The following CHD7 variants were observed in gnomAD, a reference collection of about 807,000 sequenced individuals.
CHD7 encodes the protein ATP-dependent chromatin remodeler CHD7.
A neutral mutation model predicts 307.3 loss-of-function variants in CHD7; 24 were observed. The observed-to-expected ratio is 0.08, with a 90% CI of 0.06 to 0.11. The LOEUF is 0.11. Among genes scored for constraint, CHD7 ranks in the 10% least tolerant of loss-of-function variants. The pLI, the probability that CHD7 is intolerant of heterozygous loss-of-function variation, is 1.00. For synonymous variants in CHD7, 1,363 were observed against 1,349.9 expected, an observed-to-expected ratio of 1.01 and a Z score of -0.21; for missense variants, 3,106 against 3,727.1, an observed-to-expected ratio of 0.83 and a Z score of 4.34.
At chr8:60,838,402 T>A (rs1218197760) in intron 19 of CHD7, 147 bp downstream of exon 19, 5 of 732,276 alleles carry the variant, frequency 6.8e-6, no homozygotes, top group Non-Finnish European at 1.1e-5. Flanking sequence ...CACATGAAGC[T>A]TTCTTTATGC....
chr8:60,782,805 G>A (rs899230578), intron 3 of CHD7, among the ~76,000 whole-genome samples: 2 of 152,148 alleles, frequency 1.3e-5, no homozygotes, highest in African/African-American at 4.8e-5. Context: ...GGGATGTAAG[G>A]ATGAGGAAGA....
intron 1 of CHD7, among the ~76,000 whole-genome samples, chr8:60,685,454 T>C (rs556050315): frequency 6.6e-6 from 1 of 152,322 alleles, no homozygotes; most frequent in African/African-American, 2.4e-5. Context: ...GTATGTCCCC[T>C]TACGGAGGCT....
chr8:60,753,890 G>C (rs1809763620), intron 2 of CHD7, among the ~76,000 whole-genome samples: 1 of 152,030 alleles, frequency 6.6e-6, no homozygotes, highest in Non-Finnish European at 1.5e-5. Context: ...CTCCCAAAGT[G>C]CTGGGTTTAC....
At chr8:60,803,138 A>G (rs557909638) in intron 6 of CHD7, among the ~76,000 whole-genome samples, 1 of 152,316 alleles carries the variant, frequency 6.6e-6, no homozygotes, top group Non-Finnish European at 1.5e-5. Flanking sequence ...CTGCTAATTT[A>G]TGAATTGTAG....
chr8:60,741,340 AG>A lies in CHD7; in HGVS notation c.-91del. ...GGAATGACATGAAGAAGATTAGTTAAGGATTATAGGCTTTGAGGGCAAACAC... is the reference window on the plus strand; with the variant it reads ...GGAATGACATGAAGAAGATTAGTTAAGATTATAGGCTTTGAGGGCAAACAC... On this transcript the variant is annotated 5_prime_UTR_variant, in exon 2 of 38. Coordinates refer to ENST00000423902, the MANE Select transcript of CHD7 (RefSeq NM_017780.4). The A allele has an allele frequency of 5.9e-6, 5 of 853,656 alleles. No homozygotes were observed. In the South Asian group the frequency reaches 9.0e-5, roughly 15 times the overall value. The allele number at this position is 853,656 out of a possible 1,614,324, so 52.9% of individuals were successfully genotyped here. A position where few individuals can be genotyped will look rare whatever the true frequency, so the allele number is the denominator to read the frequency against.
At chr8:60,821,656 A>C (rs920488979) in intron 9 of CHD7, 134 bp from the exon 10 acceptor site, 10 of 631,302 alleles carry the variant, frequency 1.6e-5, no homozygotes. Context: ...ATATATACAC[A>C]TACATATATA....
intron 1 of CHD7, among the ~76,000 whole-genome samples, chr8:60,681,819 C>G (rs186953655): frequency 1.1e-3 from 174 of 152,130 alleles, no homozygotes; most frequent in African/African-American, 4.1e-3. Context: ...GTTCGAGTCA[C>G]TAAATTGAAC....
intron 2 of CHD7, among the ~76,000 whole-genome samples, chr8:60,767,363 G>T (rs1203848774): frequency 6.6e-6 from 1 of 151,796 alleles, no homozygotes; most frequent in Non-Finnish European, 1.5e-5. Flanking sequence ...AGGAAGGAAG[G>T]TCAGGTAGGA....
rs921401999 is a variant in CHD7, at chr8:60,729,220, G to A, written c.-174-12039G>A. ...GGCTGAGGAAATTTGGCATTTGAAT[G>A]TGTAGAGCTCCAGACAGGTGCCCAG... On this transcript the variant is annotated intron_variant, in intron 1 of 37. Transcript: ENST00000423902. Among the ~76,000 whole-genome samples, 5 of 152,364 alleles carry A rather than the reference G, an allele frequency of 3.3e-5. No individual in the cohort carries two copies. The Middle Eastern group carries it at 0.01, about 311-fold the overall frequency.
At chr8:60,720,465 A>G (rs1807843244) in intron 1 of CHD7, among the ~76,000 whole-genome samples, 1 of 152,138 alleles carries the variant, frequency 6.6e-6, no homozygotes, top group African/African-American at 2.4e-5. Flanking sequence ...TCTTTTGCCA[A>G]TTTGATAGGT....
intron 25 of CHD7, among the ~76,000 whole-genome samples, 172 bp from the exon 26 acceptor site, chr8:60,850,321 A>G (rs1805395700): frequency 6.6e-6 from 1 of 152,212 alleles, no homozygotes; most frequent in African/African-American, 2.4e-5. Flanking sequence ...TAGCTTCCCT[A>G]GAAGGAGCGT....
chr8:60,721,192 G>A (rs922359837), intron 1 of CHD7, among the ~76,000 whole-genome samples: 1 of 152,198 alleles, frequency 6.6e-6, no homozygotes, highest in African/African-American at 2.4e-5. Context: ...TGTATTTGGA[G>A]ATAGGGCCTT....
Position 60,850,496 on chromosome 8 carries a change from A to T in CHD7, c.5408A>T (p.Tyr1803Phe). ...SLLIGVFKHGYEKYNSMRADP... is the reference protein window; with the variant it reads ...SLLIGVFKHGFEKYNSMRADP... The stretch of plus-strand genomic sequence containing the variant: ...TGCACGGATGGGCACGGCACAGGCT[A>T]TGAGAAGTACAACTCCATGCGAGCT... Residue 1803 changes from tyrosine to phenylalanine, a missense_variant, in exon 26 of 38, where the codon TAT (tyrosine) becomes TTT (phenylalanine). Around this residue, in one of 10 missense-constraint regions of CHD7, gnomAD observed 1,030 missense variants for 1,165.4 expected, o/e 0.88. Coordinates refer to ENST00000423902, the MANE Select transcript of CHD7 (RefSeq NM_017780.4). 1.9e-6 allele frequency: 3 copies of T among 1,611,078 alleles called. No homozygotes were observed. The highest frequency in any genetic ancestry group is 2.5e-6 in the Non-Finnish European group (3 of 1,177,480).
rs76998478 is a variant in CHD7, at chr8:60,766,835, T to C, written c.1666-14165T>C. Among the ~76,000 whole-genome samples, 815 of 152,262 alleles carry C rather than the reference T, an allele frequency of 5.4e-3. 6 individuals carry two copies. The highest frequency in any genetic ancestry group is 0.019 in the African/African-American group (788 of 41,526). ...GACTATACAGCTGAATAGAGAAGTC[T>C]AGAGTTGAAGGAAGTGGTGTGGACT... On this transcript the variant is annotated intron_variant, in intron 2 of 37. Coordinates refer to ENST00000423902, the MANE Select transcript of CHD7 (RefSeq NM_017780.4).
At chr8:60,831,936 A>T (rs752436169) in intron 15 of CHD7, among the ~76,000 whole-genome samples, 1 of 151,922 alleles carries the variant, frequency 6.6e-6, no homozygotes, top group Non-Finnish European at 1.5e-5. Flanking sequence ...AGAGTAGTCC[A>T]CTCCTGGAAG....
intron 1 of CHD7, among the ~76,000 whole-genome samples, chr8:60,683,225 T>TAA (rs1805720009): frequency 6.6e-6 from 1 of 152,200 alleles, no homozygotes; most frequent in Non-Finnish European, 1.5e-5. Flanking sequence ...ATTTAGTCTT[T>TAA]AAAAAAATTG....
chr8:60,844,689 G>A (rs1209508834), intron 21 of CHD7, among the ~76,000 whole-genome samples, 175 bp from the exon 22 acceptor site: 3 of 152,206 alleles, frequency 2.0e-5, no homozygotes, highest in Non-Finnish European at 2.9e-5. Flanking sequence ...CTGAGGGGCA[G>A]CTTACTGTAT....
rs529369619 is a variant in CHD7 at position 60,845,062 on chromosome 8, C to T, written c.5049C>T (p.Ser1683=). Residue 1683 remains serine (S), a splice_region_variant and synonymous_variant, in exon 22 of 38, where the codon TCC becomes TCT. Transcript: ENST00000423902. ...AGACTCGAGCCTTGGTCAACCATTC[C>T]GGTAGGTCTCCACCATGCTGTTTGT... The part of the protein sequence containing the change: ...DGQTRALVNH[S]GLSAPVPRGR... 53 of 1,613,676 alleles carry T rather than the reference C, an allele frequency of 3.3e-5. No homozygotes were observed. Among genetic ancestry groups the T allele is most frequent in the African/African-American group, 1.7e-4 (13 of 75,014 alleles).
In CHD7 at chr8:60,801,516, C is replaced by CTT; in HGVS notation, c.2377-4_2377-3dup. The CTT allele has an allele frequency of 1.3e-6, 2 of 1,520,014 alleles. No homozygotes were observed. The highest frequency in any genetic ancestry group is 1.8e-6 in the Non-Finnish European group (2 of 1,119,270). 94.2% of individuals were successfully genotyped at this position (1,520,014 alleles called of 1,614,324 possible). The stretch of plus-strand genomic sequence containing the variant: ...TTTCTATTTGGATTGATGCACATGC[C>CTT]TTTTTTTTTAGGAATCTGTTGATGC... On this transcript the variant is annotated splice_polypyrimidine_tract_variant and intron_variant, in intron 5 of 37. Transcript: ENST00000423902.
Sources: allele counts gnomAD v4.1 joint callset (sites outside exome capture counted in the v4.1 genomes callset), GRCh38; gene constraint gnomAD v4.1.1; regional missense constraint gnomAD v4.1.1; transcripts MANE v1.5; gene names NCBI Gene and HGNC (gene_info 2026-07-23, HGNC 2026-07-21).